SLC12A8: variants seen among roughly 807,000 people sequenced by gnomAD.
SLC12A8 encodes the protein solute carrier family 12 member 8, also known as cation-chloride cotransporter 9.
A neutral mutation model predicts 75.6 loss-of-function variants in SLC12A8; 69 were observed. That is an observed-to-expected ratio of 0.91 (90% CI 0.75 to 1.11). SLC12A8 has a LOEUF of 1.11. SLC12A8 is among the 50% of genes most tolerant of loss of function. The probability of loss-of-function intolerance (pLI) is 0.00; values close to 1 mark genes in which losing one functional copy is unlikely to be tolerated. For missense variants in SLC12A8, 877 were observed against 896.7 expected, an observed-to-expected ratio of 0.98 and a Z score of 0.28; for synonymous variants, 365 against 372.8, an observed-to-expected ratio of 0.98 and a Z score of 0.24.
chr3:125,101,326 C>A (rs1938870686), intron 10 of SLC12A8, among the ~76,000 whole-genome samples: 2 of 152,204 alleles, frequency 1.3e-5, no homozygotes, highest in African/African-American at 4.8e-5. Context: ...AGGATGTGCT[C>A]AGTAAGTGCT....
At chr3:125,120,962 A>AGG in intron 6 of SLC12A8, 1 of 669,628 alleles carries the variant, frequency 1.5e-6, no homozygotes, top group Non-Finnish European at 2.7e-6. Flanking sequence ...CAAAGCAACC[A>AGG]GGGGGGAGGA....
At chr3:125,096,491 A>T (rs1185194622) in intron 10 of SLC12A8, among the ~76,000 whole-genome samples, 1 of 152,150 alleles carries the variant, frequency 6.6e-6, no homozygotes, top group African/African-American at 2.4e-5. Flanking sequence ...GAGGTATTCC[A>T]TACATGTGGG....
intron 10 of SLC12A8, among the ~76,000 whole-genome samples, chr3:125,101,668 ATTC>A (rs1395612623): frequency 2.0e-5 from 3 of 152,246 alleles, no homozygotes; most frequent in African/African-American, 7.2e-5. Flanking sequence ...TAAATAAATA[ATTC>A]TTGTGTATAT....
chr3:125,140,213 C>T (rs12629659), intron 5 of SLC12A8, among the ~76,000 whole-genome samples: 4,688 of 152,320 alleles, frequency 0.031, 204 homozygotes, highest in African/African-American at 0.095. Flanking sequence ...TAATGCTGAG[C>T]GACCAGTGAC....
At chr3:125,102,228 T>C (rs757994267) in intron 10 of SLC12A8, among the ~76,000 whole-genome samples, 1 of 152,014 alleles carries the variant, frequency 6.6e-6, no homozygotes, top group Non-Finnish European at 1.5e-5. Context: ...GTTTTCCAGA[T>C]GGAGAAGGGG....
chr3:125,211,422 G>A (rs547204351), intron 1 of SLC12A8, 28 bp from the exon 2 acceptor site: 1 of 1,274,942 alleles, frequency 7.8e-7, no homozygotes, highest in Non-Finnish European at 1.1e-6. Context: ...CCTTGGTCAG[G>A]CTGGCTTCTC....
At chr3:125,190,652 AGTGT>A in intron 2 of SLC12A8, 131 bp from the exon 3 acceptor site, 3 of 1,035,186 alleles carry the variant, frequency 2.9e-6, no homozygotes, top group Non-Finnish European at 4.4e-6. Flanking sequence ...TGCCAGGGCA[AGTGT>A]GTGTGTATAC....
intron 4 of SLC12A8, among the ~76,000 whole-genome samples, chr3:125,180,458 C>T (rs1236445659): frequency 3.9e-5 from 6 of 152,086 alleles, no homozygotes; most frequent in African/African-American, 1.4e-4. Context: ...TTTGGGAGGC[C>T]AAGGAGAGCA....
intron 12 of SLC12A8, among the ~76,000 whole-genome samples, chr3:125,090,371 T>C (rs1938555318): frequency 6.6e-6 from 1 of 152,248 alleles, no homozygotes; most frequent in Non-Finnish European, 1.5e-5. Flanking sequence ...GTTTCATGTA[T>C]AATTGAAAAG....
chr3:125,137,923 G>A (rs67609058), intron 5 of SLC12A8, among the ~76,000 whole-genome samples: 18,794 of 149,840 alleles, frequency 0.13, 1,637 homozygotes, highest in East Asian at 0.35. Context: ...ACACGCTCAC[G>A]CTCACACGCT....
At chr3:125,167,702 C>G (rs1560074091) in intron 5 of SLC12A8, among the ~76,000 whole-genome samples, 2 of 152,208 alleles carry the variant, frequency 1.3e-5, no homozygotes, top group Admixed American at 1.3e-4. Flanking sequence ...TCAGACCATG[C>G]CTTCTTCATG....
At chr3:125,159,251 T>A (rs1934111351) in intron 5 of SLC12A8, among the ~76,000 whole-genome samples, 1 of 152,134 alleles carries the variant, frequency 6.6e-6, no homozygotes, top group Non-Finnish European at 1.5e-5. Flanking sequence ...CACATCCTGC[T>A]AATATATATC....
chr3:125,177,892 C>T lies in SLC12A8; in HGVS notation c.473G>A (p.Arg158Gln), dbSNP rs750892503. 5.6e-5 allele frequency: 91 copies of T among 1,614,084 alleles called. No homozygotes were observed. Among genetic ancestry groups the T allele is most frequent in the Admixed American group, 1.0e-4 (6 of 59,992 alleles). Residue 158 changes from arginine to glutamine, a missense_variant, in exon 5 of 14, where the codon CGA (arginine) becomes CAA (glutamine). Arg to Gln is a conservative substitution (Grantham distance 43, BLOSUM62 1). Coordinates refer to ENST00000469902, the MANE Select transcript of SLC12A8 (RefSeq NM_024628.6). ...CAGAAGCACCGCAACTGAAATTCCT[C>T]GCACAGCCCAGATATTCCCGAGGCC... ...LLGLGNIWAV[R>Q]GISVAVLLAL...
intron 5 of SLC12A8, among the ~76,000 whole-genome samples, chr3:125,169,211 G>A (rs1204180920): frequency 2.6e-5 from 4 of 152,260 alleles, no homozygotes; most frequent in South Asian, 2.1e-4. Context: ...TGAGCCAACA[G>A]AATGGCATTT....
intron 6 of SLC12A8, among the ~76,000 whole-genome samples, chr3:125,133,181 T>C (rs1933401370): frequency 6.6e-6 from 1 of 152,092 alleles, no homozygotes; most frequent in African/African-American, 2.4e-5. Flanking sequence ...AAAGTGGGAT[T>C]GAGGAAAATC....
In SLC12A8 at chr3:125,107,553, T is replaced by C. The variant is rs1939059669; in HGVS notation, c.1633A>G (p.Thr545Ala). 1 of 1,613,984 alleles carries C rather than the reference T, an allele frequency of 6.2e-7. No homozygotes were observed. Among genetic ancestry groups the C allele is most frequent in the African/African-American group, 1.3e-5 (1 of 74,894 alleles). ...TCTCCATATGTTCCCTCAGGCTGAG[T>C]CCCTTCGCTCTTGGAAGTCTGCTTG... ...WNKQTSKSEG[T>A]QPEGTYGEQL... Residue 545 changes from threonine to alanine, a missense_variant, in exon 10 of 14, where the codon ACT (threonine) becomes GCT (alanine). Transcript: ENST00000469902.
chr3:125,186,566 A>T (rs990559889), intron 4 of SLC12A8, among the ~76,000 whole-genome samples: 7 of 152,254 alleles, frequency 4.6e-5, no homozygotes, highest in Admixed American at 4.6e-4. Flanking sequence ...AGAAATGCTG[A>T]CAAAGAACTG....
chr3:125,093,192 A>G (rs1312267409), intron 10 of SLC12A8, among the ~76,000 whole-genome samples: 1 of 152,244 alleles, frequency 6.6e-6, no homozygotes, highest in Non-Finnish European at 1.5e-5. Context: ...AATGTTTCAA[A>G]TAAATGATAT....
intron 9 of SLC12A8, 52 bp downstream of exon 9, chr3:125,110,137 T>A (rs988878240): frequency 4.4e-6 from 7 of 1,578,082 alleles, no homozygotes; most frequent in Non-Finnish European, 6.1e-6. Context: ...AACAGTGAGG[T>A]TAGCAGCAAA....
Sources: gnomAD v4.1 joint callset for allele counts (sites outside exome capture counted in the v4.1 genomes callset) on GRCh38, gnomAD v4.1.1 for gene constraint, MANE v1.5 for transcripts, NCBI Gene and HGNC (gene_info 2026-07-23, HGNC 2026-07-21) for gene names.